CUL5: variants seen among roughly 807,000 people sequenced by gnomAD.
The protein encoded by CUL5 is cullin-5.
A neutral mutation model predicts 108.8 loss-of-function variants in CUL5; 26 were observed. The observed-to-expected ratio is 0.24, with a 90% CI of 0.18 to 0.33. The LOEUF (loss-of-function observed/expected upper bound fraction) is 0.33. CUL5 is among the 10% of genes least tolerant of loss of function. The pLI is 1.00. For missense variants in CUL5, 524 were observed against 909.2 expected, an observed-to-expected ratio of 0.58 and a Z score of 5.45; for synonymous variants, 334 against 298.0, an observed-to-expected ratio of 1.12 and a Z score of -1.25.
Position 108,104,965 on chromosome 11 carries a change from T to C in CUL5, c.*581T>C, listed in dbSNP as rs1864755954. On this transcript the variant is annotated 3_prime_UTR_variant, in exon 19 of 19. Transcript: ENST00000393094. ...AACATTGCTCAGTATAATAACTGGA[T>C]TTTAATGGTGACCTAAAAATGGTAT... is the stretch of plus-strand genomic sequence containing the variant. 1 of 152,616 alleles carries C rather than the reference T, an allele frequency of 6.6e-6. No individual in the cohort carries two copies. The highest frequency in any genetic ancestry group is 2.4e-5 in the African/African-American group (1 of 41,458). The allele number at this position is 152,616 out of a possible 1,614,324, so 9.5% of individuals were successfully genotyped here.
At chr11:108,068,313 T>TG (rs1472110834) in intron 7 of CUL5, among the ~76,000 whole-genome samples, 78 of 151,862 alleles carry the variant, frequency 5.1e-4, no homozygotes, top group Non-Finnish European at 8.1e-4. Context: ...AAAAACCTTT[T>TG]TTTTTGTTTT....
At chr11:108,029,897 C>T (rs1005860785) in intron 1 of CUL5, among the ~76,000 whole-genome samples, 1 of 152,098 alleles carries the variant, frequency 6.6e-6, no homozygotes, top group African/African-American at 2.4e-5. Context: ...AATTGCAGGA[C>T]TTACACTATA....
At chr11:108,080,309 G>A (rs760243551) in intron 11 of CUL5, among the ~76,000 whole-genome samples, 6 of 151,966 alleles carry the variant, frequency 3.9e-5, no homozygotes, top group African/African-American at 1.2e-4. Context: ...GGCTGGTGTC[G>A]AACTCCTGGC....
intron 11 of CUL5, among the ~76,000 whole-genome samples, chr11:108,083,658 G>C (rs1458311733): frequency 6.6e-6 from 1 of 152,218 alleles, no homozygotes; most frequent in East Asian, 1.9e-4. Context: ...GAGCATGATG[G>C]TGCGTGCCTG....
rs1172087610 is a variant in CUL5 at position 108,078,202 on chromosome 11, T to C, written c.1140T>C (p.Ala380=). 3 of 1,573,392 alleles carry C rather than the reference T, an allele frequency of 1.9e-6. No homozygotes were observed. Among genetic ancestry groups the C allele is most frequent in the East Asian group, 2.3e-5 (1 of 43,730 alleles). The part of the protein sequence containing the change: ...DKAYKAVVND[A]TIFKLELPLK... Reference sequence around the variant, plus strand: ...CGTATAAAGCAGTTGTTAATGATGCTACCATATTTAAACTTGAATTACCTT... The same window carrying C: ...CGTATAAAGCAGTTGTTAATGATGCCACCATATTTAAACTTGAATTACCTT... Residue 380 remains alanine, a synonymous_variant, in exon 11 of 19, where the codon GCT becomes GCC. Coordinates refer to ENST00000393094, the MANE Select transcript of CUL5 (RefSeq NM_003478.6).
intron 7 of CUL5, among the ~76,000 whole-genome samples, chr11:108,058,363 C>G (rs1376323946): frequency 6.8e-6 from 1 of 147,194 alleles, no homozygotes; most frequent in African/African-American, 2.5e-5. Flanking sequence ...ATTCTCATGC[C>G]TCAGCCTCCC....
intron 10 of CUL5, among the ~76,000 whole-genome samples, chr11:108,076,520 A>G (rs777378519): frequency 1.7e-4 from 26 of 152,238 alleles, no homozygotes; most frequent in African/African-American, 3.9e-4. Flanking sequence ...GGTTCTACCT[A>G]TAAGTGAGAT....
chr11:108,061,057 G>T lies in CUL5; in HGVS notation c.780+6102G>T, dbSNP rs1863521268. On this transcript the variant is annotated intron_variant, in intron 7 of 18. Transcript: ENST00000393094. ...CCTTGCAGACCTCTGGGGAGAGATTGCTATGGATTTAGAAGTTGTGCTCAT... is the reference window on the plus strand; with the variant it reads ...CCTTGCAGACCTCTGGGGAGAGATTTCTATGGATTTAGAAGTTGTGCTCAT... Among the ~76,000 whole-genome samples the T allele has an allele frequency of 3.9e-5, 6 of 152,272 alleles. No individual in the cohort carries two copies. The South Asian group carries it at 1.2e-3, about 32-fold the overall frequency.
intron 4 of CUL5, 144 bp downstream of exon 4, chr11:108,050,210 A>T: frequency 5.0e-6 from 3 of 602,820 alleles, no homozygotes; most frequent in Non-Finnish European, 8.4e-6. Flanking sequence ...ATTTTATTGA[A>T]TAATATTCTT....
intron 3 of CUL5, among the ~76,000 whole-genome samples, chr11:108,049,477 G>A (rs1189220363): frequency 6.6e-6 from 1 of 151,916 alleles, no homozygotes; most frequent in Non-Finnish European, 1.5e-5. Context: ...AAGTAGCTGG[G>A]ACCACAGGCA....
At chr11:108,029,485 TTCAG>T (rs1303946239) in intron 1 of CUL5, among the ~76,000 whole-genome samples, 1 of 152,224 alleles carries the variant, frequency 6.6e-6, no homozygotes, top group Non-Finnish European at 1.5e-5. Context: ...TGAGGCAGCC[TTCAG>T]TCAGTCAGTG....
intron 7 of CUL5, among the ~76,000 whole-genome samples, chr11:108,065,551 C>G (rs144354225): frequency 6.6e-6 from 1 of 152,130 alleles, no homozygotes; most frequent in Non-Finnish European, 1.5e-5. Flanking sequence ...CTGAGTTCAT[C>G]CTACTTTTGC....
At chr11:108,097,123 T>A (rs1219723976) in intron 16 of CUL5, among the ~76,000 whole-genome samples, 1 of 152,134 alleles carries the variant, frequency 6.6e-6, no homozygotes, top group East Asian at 1.9e-4. Context: ...GTTCAAGCGA[T>A]CCTCCCACCT....
rs560776463 is a variant in CUL5, at chr11:108,046,855, A to G, written c.234+486A>G. On this transcript the variant is annotated intron_variant, in intron 3 of 18. Coordinates refer to ENST00000393094, the MANE Select transcript of CUL5 (RefSeq NM_003478.6). ...AATCAAAAATTTTGATCAAAAATCA[A>G]AAGCTCATTTAGGCATTAGATCAGT... Among the ~76,000 whole-genome samples, 6 of 152,346 alleles carry G rather than the reference A, an allele frequency of 3.9e-5. No homozygotes were observed. In the East Asian group the frequency reaches 1.2e-3, roughly 29 times the overall value.
intron 10 of CUL5, among the ~76,000 whole-genome samples, chr11:108,076,950 G>A (rs1565260654): frequency 6.6e-6 from 1 of 152,230 alleles, no homozygotes; most frequent in Non-Finnish European, 1.5e-5. Flanking sequence ...TATTGAATAA[G>A]TTAACTTTGA....
At chr11:108,038,036 T>A (rs188788875) in intron 2 of CUL5, among the ~76,000 whole-genome samples, 310 of 152,362 alleles carry the variant, frequency 2.0e-3, no homozygotes, top group Non-Finnish European at 3.5e-3. Context: ...TCCGAAATGA[T>A]GTAGGACCTT....
chr11:108,089,710 TAATGTC>T, intron 13 of CUL5, 87 bp downstream of exon 13: 1 of 755,432 alleles, frequency 1.3e-6, no homozygotes, highest in Non-Finnish European at 1.9e-6. Flanking sequence ...GAGATATTGT[TAATGTC>T]AAAGAAGTAG....
At chr11:108,024,108 C>T (rs1862398213) in intron 1 of CUL5, among the ~76,000 whole-genome samples, 1 of 152,192 alleles carries the variant, frequency 6.6e-6, no homozygotes, top group Non-Finnish European at 1.5e-5. Context: ...CCCATTCATT[C>T]CTTATCCAGG....
In CUL5 at chr11:108,087,549, A is replaced by G. The variant is rs1864247677; in HGVS notation, c.1179-978A>G. 2.0e-5 allele frequency among the ~76,000 whole-genome samples: 3 copies of G among 152,174 alleles called. No individual in the cohort carries two copies. The South Asian group carries it at 6.2e-4, about 32-fold the overall frequency. On this transcript the variant is annotated intron_variant, in intron 11 of 18. Coordinates refer to ENST00000393094, the MANE Select transcript of CUL5 (RefSeq NM_003478.6). ...CATGCACCTGTAGTCCCAGCTACTC[A>G]GGAGGAGTCCAGCCTGGACAATATA... is the stretch of plus-strand genomic sequence containing the variant.
Sources: allele counts gnomAD v4.1 joint callset (sites outside exome capture counted in the v4.1 genomes callset), GRCh38; gene constraint gnomAD v4.1.1; transcripts MANE v1.5; gene names NCBI Gene and HGNC (gene_info 2026-07-23, HGNC 2026-07-21).